MACO1: variants seen among roughly 807,000 people sequenced by gnomAD.
The protein encoded by MACO1 is macoilin 1.
A neutral mutation model predicts 78.7 loss-of-function variants in MACO1; 14 were observed. The observed-to-expected ratio is 0.18, with a 90% CI of 0.12 to 0.28. MACO1 has a LOEUF of 0.28. Among genes scored for constraint, MACO1 ranks in the 10% least tolerant of loss-of-function variants. The pLI, the probability that MACO1 is intolerant of heterozygous loss-of-function variation, is 1.00. For synonymous variants in MACO1, 288 were observed against 291.6 expected, an observed-to-expected ratio of 0.99 and a Z score of 0.12; for missense variants, 501 against 799.0, an observed-to-expected ratio of 0.63 and a Z score of 4.50.
At position 25,430,978 on chromosome 1, in the gene MACO1, A is replaced by T. The variant is rs1049906542; in HGVS notation, c.-121A>T. On this transcript the variant is annotated 5_prime_UTR_variant, in exon 1 of 11. The change abolishes an upstream ATG in the 5' untranslated region. Transcript: ENST00000374343. ...CCCCCTCCCCCCGGGTGCTGGCTCCATGTCTGTGTGACCGGCCTCAGGGGT... is the reference window on the plus strand; with the variant it reads ...CCCCCTCCCCCCGGGTGCTGGCTCCTTGTCTGTGTGACCGGCCTCAGGGGT... 22 of 324,778 alleles carry T rather than the reference A, an allele frequency of 6.8e-5. No individual in the cohort carries two copies. The highest frequency in any genetic ancestry group is 3.8e-4 in the African/African-American group (15 of 38,990). The allele number at this position is 324,778 out of a possible 1,614,324, so 20.1% of individuals were successfully genotyped here. A position where few individuals can be genotyped will look rare whatever the true frequency, so the allele number is the denominator to read the frequency against.
intron 9 of MACO1, among the ~76,000 whole-genome samples, chr1:25,489,630 A>G (rs943030022): frequency 4.6e-5 from 7 of 151,970 alleles, no homozygotes; most frequent in Non-Finnish European, 7.4e-5. Flanking sequence ...TTTAGCCCCA[A>G]CCCTCTTTCT....
intron 6 of MACO1, among the ~76,000 whole-genome samples, chr1:25,482,277 A>T (rs187023953): frequency 2.0e-5 from 3 of 152,334 alleles, no homozygotes; most frequent in Non-Finnish European, 4.4e-5. Flanking sequence ...GAAGAGATTT[A>T]AAAAATGAAA....
At chr1:25,438,139 T>C (rs1238171055) in intron 1 of MACO1, among the ~76,000 whole-genome samples, 1 of 151,676 alleles carries the variant, frequency 6.6e-6, no homozygotes, top group Non-Finnish European at 1.5e-5. Flanking sequence ...CTAATGCAGG[T>C]GGTGAGTTTT....
intron 6 of MACO1, among the ~76,000 whole-genome samples, chr1:25,462,747 G>A (rs965302192): frequency 6.6e-6 from 1 of 152,208 alleles, no homozygotes; most frequent in Admixed American, 6.5e-5. Flanking sequence ...TTATAGCTCG[G>A]TTTGGCTGTC....
chr1:25,463,609 C>T (rs1049812052), intron 6 of MACO1, among the ~76,000 whole-genome samples: 2 of 152,108 alleles, frequency 1.3e-5, no homozygotes, highest in African/African-American at 4.8e-5. Context: ...GTTGTTTTAA[C>T]TAAGTACTAA....
chr1:25,467,162 G>A (rs994965080), intron 6 of MACO1, among the ~76,000 whole-genome samples: 6 of 152,126 alleles, frequency 3.9e-5, no homozygotes, highest in Admixed American at 1.3e-4. Flanking sequence ...GGAAGCTGAC[G>A]CAGGAGAATC....
chr1:25,459,348 A>G (rs2043151460), intron 6 of MACO1, among the ~76,000 whole-genome samples: 1 of 152,210 alleles, frequency 6.6e-6, no homozygotes, highest in Non-Finnish European at 1.5e-5. Flanking sequence ...GTTTTTCTGC[A>G]CTTAGAATAT....
At chr1:25,480,781 A>C (rs1433683931) in intron 6 of MACO1, among the ~76,000 whole-genome samples, 1 of 151,670 alleles carries the variant, frequency 6.6e-6, no homozygotes, top group African/African-American at 2.4e-5. Context: ...AAATATAAAA[A>C]TTAGCTGGGC....
chr1:25,448,526 C>G (rs2043036076), intron 2 of MACO1, among the ~76,000 whole-genome samples: 1 of 152,092 alleles, frequency 6.6e-6, no homozygotes, highest in Non-Finnish European at 1.5e-5. Flanking sequence ...ATTTGGAATC[C>G]AAATGAATTC....
At chr1:25,490,541 A>G (rs1315864136) in intron 9 of MACO1, among the ~76,000 whole-genome samples, 2 of 152,206 alleles carry the variant, frequency 1.3e-5, no homozygotes, top group African/African-American at 4.8e-5. Context: ...CTTTTTAAGT[A>G]TTTACCTTTT....
chr1:25,454,456 G>GTATA (rs2043098632), intron 4 of MACO1, 74 bp downstream of exon 4: 3 of 202,164 alleles, frequency 1.5e-5, no homozygotes, highest in South Asian at 8.4e-4. Flanking sequence ...GTGTGTGTGT[G>GTATA]TGTGTGTGTG....
chr1:25,499,878 A>G lies in MACO1; in HGVS notation c.*1412A>G, dbSNP rs1316862394. ...ATTAAGTAGGACAAGCAAGTCAGTAAAATAGAAGTATTAAAAAGAATCATC... is the reference window on the plus strand; with the variant it reads ...ATTAAGTAGGACAAGCAAGTCAGTAGAATAGAAGTATTAAAAAGAATCATC... On this transcript the variant is annotated 3_prime_UTR_variant, in exon 11 of 11. Coordinates refer to ENST00000374343, the MANE Select transcript of MACO1 (RefSeq NM_018202.6). 1 of 152,182 alleles carries G rather than the reference A, an allele frequency of 6.6e-6. No individual in the cohort carries two copies. Among genetic ancestry groups the G allele is most frequent in the African/African-American group, 2.4e-5 (1 of 41,432 alleles). The allele number at this position is 152,182 out of a possible 1,614,324, so 9.4% of individuals were successfully genotyped here.
intron 10 of MACO1, among the ~76,000 whole-genome samples, chr1:25,494,040 C>T (rs879894772): frequency 6.6e-6 from 1 of 152,158 alleles, no homozygotes; most frequent in Non-Finnish European, 1.5e-5. Flanking sequence ...CAGATAGTTT[C>T]TTATCTCTGT....
intron 6 of MACO1, among the ~76,000 whole-genome samples, chr1:25,482,093 C>G (rs965735288): frequency 3.3e-5 from 5 of 152,152 alleles, no homozygotes; most frequent in Non-Finnish European, 7.4e-5. Context: ...TTGGAGCTGA[C>G]AGTTCCAAAG....
chr1:25,460,997 G>A (rs139941410), intron 6 of MACO1, among the ~76,000 whole-genome samples: 2,122 of 152,134 alleles, frequency 0.014, 42 homozygotes, highest in African/African-American at 0.047. Flanking sequence ...TTAAGAAAAT[G>A]TGGCACATAT....
intron 10 of MACO1, among the ~76,000 whole-genome samples, chr1:25,493,004 A>G (rs1329604739): frequency 2.6e-5 from 4 of 152,128 alleles, no homozygotes; most frequent in African/African-American, 9.7e-5. Context: ...TGGGGAACAT[A>G]GCGAGACCTT....
At position 25,448,909 on chromosome 1, in the gene MACO1, A is replaced by T; in HGVS notation, c.324A>T (p.Val108=). 1 of 1,535,174 alleles carries T rather than the reference A, an allele frequency of 6.5e-7. No individual in the cohort carries two copies. Among genetic ancestry groups the T allele is most frequent in the Non-Finnish European group, 8.9e-7 (1 of 1,126,068 alleles). The change falls in exon 3 of 11, where the codon GTA becomes GTT. Residue 108 remains valine (V), a synonymous_variant. Transcript: ENST00000374343. ...TTTTTTTTGCTGCTAGCACATATGT[A>T]TGGGTTCAGTACGTATGGCACACAG... ...QWLFFAASTY[V]WVQYVWHTER... is the part of the protein sequence containing the mutation.
chr1:25,439,199 G>A (rs2042945771), intron 1 of MACO1, among the ~76,000 whole-genome samples: 1 of 151,924 alleles, frequency 6.6e-6, no homozygotes, highest in Admixed American at 6.6e-5. Context: ...CTTAGTGAAA[G>A]GCATAAGATA....
intron 1 of MACO1, among the ~76,000 whole-genome samples, chr1:25,435,333 T>C (rs2042909978): frequency 6.6e-6 from 1 of 152,188 alleles, no homozygotes; most frequent in South Asian, 2.1e-4. Flanking sequence ...AAACTAGGAC[T>C]AAGAACTCAG....
Sources: gnomAD v4.1 joint callset for allele counts (sites outside exome capture counted in the v4.1 genomes callset) on GRCh38, gnomAD v4.1.1 for gene constraint, MANE v1.5 for transcripts, NCBI Gene and HGNC (gene_info 2026-07-23, HGNC 2026-07-21) for gene names.